Variants in TAFA2 observed in about 807,000 individuals in gnomAD.
TAFA2 encodes TAFA chemokine like family member 2, also known as chemokine-like protein TAFA-2.
TAFA2 carries 7 observed loss-of-function variants against 18.8 expected under a neutral mutation model. The ratio of observed to expected loss-of-function variants is 0.37; its 90% CI spans 0.21 to 0.70. TAFA2 has a LOEUF of 0.70. TAFA2 is among the 30% of genes least tolerant of loss of function. TAFA2 has a pLI of 0.53. For synonymous variants in TAFA2, 60 were observed against 54.2 expected, an observed-to-expected ratio of 1.11 and a Z score of -0.47; for missense variants, 122 against 158.1, an observed-to-expected ratio of 0.77 and a Z score of 1.23.
At chr12:61,817,226 G>A (rs914257934) in intron 2 of TAFA2, among the ~76,000 whole-genome samples, 2 of 151,976 alleles carry the variant, frequency 1.3e-5, no homozygotes, top group South Asian at 4.2e-4. Context: ...ATCAGATGGG[G>A]AATCTTCACA....
chr12:62,196,122 C>T (rs2062648183), upstream of TAFA2, among the ~76,000 whole-genome samples: 1 of 152,212 alleles, frequency 6.6e-6, no homozygotes, highest in African/African-American at 2.4e-5. Flanking sequence ...GAACCAACCT[C>T]TGCTAGTTTC....
chr12:61,791,192 A>C (rs1327021072), intron 2 of TAFA2, among the ~76,000 whole-genome samples: 1 of 151,884 alleles, frequency 6.6e-6, no homozygotes. Context: ...TTTGGCATAT[A>C]CAAAACTCAA....
rs186563917 is a variant in TAFA2, at chr12:61,872,600, A to G, written c.-1-5174T>C. On this transcript the variant is annotated intron_variant, in intron 1 of 4. Coordinates refer to ENST00000416284, the MANE Select transcript of TAFA2 (RefSeq NM_178539.5). ...ATAAAATATAAATCTCTTACTGGAG[A>G]AAAAAACCAACATCATCTTCCCTCT... is the stretch of plus-strand genomic sequence containing the variant. Among the ~76,000 whole-genome samples, 15 of 152,168 alleles carry G rather than the reference A, an allele frequency of 9.9e-5. No homozygotes were observed. In the East Asian group the frequency reaches 2.9e-3, roughly 29 times the overall value.
chr12:62,013,724 C>T (rs1312873615), intron 1 of TAFA2, among the ~76,000 whole-genome samples: 2 of 152,230 alleles, frequency 1.3e-5, no homozygotes, highest in African/African-American at 4.8e-5. Context: ...ATTCACTCAA[C>T]TACTGAGGCT....
upstream of TAFA2, among the ~76,000 whole-genome samples, chr12:62,193,975 G>A (rs900454488): frequency 5.9e-5 from 9 of 152,238 alleles, no homozygotes; most frequent in South Asian, 8.3e-4. Context: ...AAGTTTTACC[G>A]TAACTAATTG....
chr12:61,951,769 G>A (rs1010334039), intron 1 of TAFA2, among the ~76,000 whole-genome samples: 1 of 151,934 alleles, frequency 6.6e-6, no homozygotes, highest in African/African-American at 2.4e-5. Flanking sequence ...CTAACAATGT[G>A]CCATAATTTC....
intron 1 of TAFA2, among the ~76,000 whole-genome samples, chr12:62,223,013 AAAG>A (rs2062770499): frequency 6.6e-6 from 1 of 152,176 alleles, no homozygotes; most frequent in South Asian, 2.1e-4. Context: ...AAAGGACAAA[AAAG>A]AAGACAAATG....
At chr12:61,845,338 G>C (rs1045929240) in intron 2 of TAFA2, among the ~76,000 whole-genome samples, 1 of 151,900 alleles carries the variant, frequency 6.6e-6, no homozygotes, top group African/African-American at 2.4e-5. Context: ...TACTCAATCA[G>C]AGACACAGTC....
intron 1 of TAFA2, among the ~76,000 whole-genome samples, chr12:61,949,079 A>T (rs1166606730): frequency 6.6e-6 from 1 of 152,088 alleles, no homozygotes; most frequent in Non-Finnish European, 1.5e-5. Context: ...GTAGTCTGTG[A>T]GAGTGTTTTT....
intron 2 of TAFA2, among the ~76,000 whole-genome samples, chr12:61,786,198 T>C (rs976198087): frequency 2.2e-4 from 33 of 151,542 alleles, no homozygotes; most frequent in Admixed American, 2.0e-3. Flanking sequence ...TAGGAAATCT[T>C]ACCATGCATA....
intron 1 of TAFA2, among the ~76,000 whole-genome samples, chr12:62,184,499 A>ATTTTTT (rs770289214): frequency 5.9e-5 from 2 of 33,992 alleles, no homozygotes; most frequent in African/African-American, 1.2e-4. Flanking sequence ...GAAAAAAAAA[A>ATTTTTT]TTCTTTTTTT....
chr12:62,142,219 T>A (rs940957549), intron 1 of TAFA2, among the ~76,000 whole-genome samples: 23 of 152,138 alleles, frequency 1.5e-4, no homozygotes, highest in African/African-American at 4.8e-4. Flanking sequence ...AGAAAAATAA[T>A]AACTACCTGA....
At chr12:61,870,700 C>T (rs182301088) in intron 1 of TAFA2, among the ~76,000 whole-genome samples, 17 of 152,196 alleles carry the variant, frequency 1.1e-4, no homozygotes, top group Middle Eastern at 3.4e-3. Context: ...AAATCTTACC[C>T]ACCATGCCAC....
At chr12:61,871,302 T>C (rs1406041923) in intron 1 of TAFA2, among the ~76,000 whole-genome samples, 1 of 152,176 alleles carries the variant, frequency 6.6e-6, no homozygotes, top group East Asian at 1.9e-4. Context: ...AAAAGCTGAA[T>C]GTACATTTCT....
chr12:62,137,712 A>G (rs1293072680), intron 1 of TAFA2, among the ~76,000 whole-genome samples: 1 of 152,062 alleles, frequency 6.6e-6, no homozygotes, highest in Non-Finnish European at 1.5e-5. Context: ...GATTATTGTA[A>G]TGGCCTCCTC....
chr12:61,920,239 C>T (rs1279618062), intron 1 of TAFA2, among the ~76,000 whole-genome samples: 1 of 152,088 alleles, frequency 6.6e-6, no homozygotes, highest in South Asian at 2.1e-4. Flanking sequence ...TCAGCTTATG[C>T]CACCCCAAAA....
At chr12:62,003,150 A>G (rs781026503) in intron 1 of TAFA2, among the ~76,000 whole-genome samples, 7 of 152,046 alleles carry the variant, frequency 4.6e-5, no homozygotes, top group Non-Finnish European at 7.4e-5. Flanking sequence ...ATCTTTCTCC[A>G]TCTACAGTCT....
intron 1 of TAFA2, among the ~76,000 whole-genome samples, chr12:62,210,185 C>CTAAATAAATAAATAAATAAA (rs56194828): frequency 4.2e-5 from 6 of 144,332 alleles, no homozygotes; most frequent in Non-Finnish European, 6.1e-5. Context: ...GACTCTGTCT[C>CTAAATAAATAAATAAATAAA]TAAATAAATA....
At chr12:62,149,130 A>G (rs2062307779) in intron 1 of TAFA2, among the ~76,000 whole-genome samples, 1 of 152,220 alleles carries the variant, frequency 6.6e-6, no homozygotes, top group Admixed American at 6.5e-5. Context: ...TTCCAAGACA[A>G]AAAGATTCAT....
Sources: allele counts gnomAD v4.1 joint callset (sites outside exome capture counted in the v4.1 genomes callset), GRCh38; gene constraint gnomAD v4.1.1; transcripts MANE v1.5; gene names NCBI Gene and HGNC (gene_info 2026-07-23, HGNC 2026-07-21).